TNRC6B: variants seen among roughly 807,000 people sequenced by gnomAD.
The protein encoded by TNRC6B is trinucleotide repeat containing adaptor 6B.
Under a neutral mutation model 203.6 loss-of-function variants are expected in TNRC6B, and 52 were observed. The observed-to-expected ratio is 0.26, with a 90% CI of 0.20 to 0.32. The LOEUF (loss-of-function observed/expected upper bound fraction) is 0.32, where lower values mean the gene tolerates loss of function less well. Ranked by LOEUF, TNRC6B falls within the 10% of genes least tolerant of loss-of-function variation. The pLI is 1.00. For missense variants in TNRC6B, 1,923 were observed against 2,286.2 expected, an observed-to-expected ratio of 0.84 and a Z score of 3.24; for synonymous variants, 838 against 845.7, an observed-to-expected ratio of 0.99 and a Z score of 0.16.
At chr22:40,048,178 A>G (rs1569242683) in intron 1 of TNRC6B, among the ~76,000 whole-genome samples, 1 of 152,120 alleles carries the variant, frequency 6.6e-6, no homozygotes, top group Non-Finnish European at 1.5e-5. Context: ...TCACGTCTTC[A>G]CTACACAGTC....
chr22:40,233,788 C>T (rs767382898), intron 1 of TNRC6B, among the ~76,000 whole-genome samples: 6 of 152,142 alleles, frequency 3.9e-5, no homozygotes, highest in South Asian at 2.1e-4. Flanking sequence ...CTGAGCCTCA[C>T]GTTCTTTTAC....
At chr22:40,223,588 T>A (rs2146439511) in intron 1 of TNRC6B, among the ~76,000 whole-genome samples, 1 of 152,368 alleles carries the variant, frequency 6.6e-6, no homozygotes, top group African/African-American at 2.4e-5. Flanking sequence ...CTTATCTTCC[T>A]TAGTACAAAA....
At chr22:40,086,981 C>T (rs997745361) in intron 1 of TNRC6B, among the ~76,000 whole-genome samples, 4 of 152,118 alleles carry the variant, frequency 2.6e-5, no homozygotes, top group Non-Finnish European at 5.9e-5. Flanking sequence ...CCAGGTCCCC[C>T]GTCCCTGTAG....
intron 4 of TNRC6B, among the ~76,000 whole-genome samples, chr22:40,171,231 G>T (rs187856330): frequency 7.0e-6 from 1 of 143,042 alleles, no homozygotes; most frequent in Non-Finnish European, 1.5e-5. Flanking sequence ...GCGCAATCTC[G>T]GCTCACTGCA....
intron 1 of TNRC6B, among the ~76,000 whole-genome samples, chr22:40,241,211 A>G (rs375302162): frequency 6.6e-6 from 1 of 152,190 alleles, no homozygotes; most frequent in Non-Finnish European, 1.5e-5. Context: ...GAGTCATTTG[A>G]GAATTAACTG....
chr22:40,156,198 T>C lies in TNRC6B; in HGVS notation c.113+16T>C, dbSNP rs958732107. 1.9e-6 allele frequency: 3 copies of C among 1,560,040 alleles called. No individual in the cohort carries two copies. In the African/African-American group the frequency reaches 4.1e-5, roughly 21 times the overall value. ...AAAGCAAACAGTGAGTCACAGTTTA[T>C]TTAAAAAGAGTCCTATTACAGATCC... is the stretch of plus-strand genomic sequence containing the variant. On this transcript the variant is annotated intron_variant, in intron 4 of 23. Coordinates refer to the TNRC6B transcript ENST00000301923.
intron 6 of TNRC6B, among the ~76,000 whole-genome samples, chr22:40,271,090 A>T (rs2070557145): frequency 6.6e-6 from 1 of 152,218 alleles, no homozygotes; most frequent in Admixed American, 6.5e-5. Flanking sequence ...GAAGAACGTC[A>T]CACTTATTCA....
At position 40,310,849 on chromosome 22, in the gene TNRC6B, G is replaced by T; in HGVS notation, c.4291G>T (p.Gly1431Trp). The part of the protein sequence containing the change: ...AIVAPGKTRG[G>W]SPYNQFDIIP... The stretch of plus-strand genomic sequence containing the variant: ...AGTGGCCCCTGGTAAAACCCGGGGA[G>T]GGTCACCGTACAACCAGTTTGATAT... The change falls in exon 17 of 23, where the codon GGG becomes TGG. Residue 1431 changes from glycine to tryptophan, a missense_variant. Physicochemically the swap from Gly to Trp is radical, Grantham distance 184. Around this residue, in one of 8 missense-constraint regions of TNRC6B, gnomAD observed 242 missense variants for 399.5 expected, o/e 0.61. Transcript: ENST00000454349. The T allele has an allele frequency of 6.2e-7, 1 of 1,612,822 alleles. No homozygotes were observed. Among genetic ancestry groups the T allele is most frequent in the East Asian group, 2.2e-5 (1 of 44,848 alleles).
intron 3 of TNRC6B, among the ~76,000 whole-genome samples, chr22:40,139,018 T>C (rs1447789302): frequency 6.6e-6 from 1 of 152,220 alleles, no homozygotes; most frequent in Non-Finnish European, 1.5e-5. Flanking sequence ...TTCACAGAGT[T>C]GTACCACCAT....
At chr22:40,260,557 A>C (rs557468096) in intron 3 of TNRC6B, among the ~76,000 whole-genome samples, 63 of 152,178 alleles carry the variant, frequency 4.1e-4, no homozygotes, top group Non-Finnish European at 6.3e-4. Context: ...GAGATGGATG[A>C]TGTGTTCCAG....
chr22:40,275,691 G>A (rs1195318532), intron 7 of TNRC6B, among the ~76,000 whole-genome samples: 1 of 152,112 alleles, frequency 6.6e-6, no homozygotes, highest in Non-Finnish European at 1.5e-5. Context: ...GGCTGCGGTG[G>A]CTCATGCCTG....
At chr22:40,158,857 A>C (rs1180552855) in intron 4 of TNRC6B, among the ~76,000 whole-genome samples, 1 of 152,224 alleles carries the variant, frequency 6.6e-6, no homozygotes, top group Non-Finnish European at 1.5e-5. Flanking sequence ...AACAATAAAA[A>C]TATTTACAAA....
chr22:40,167,899 C>T (rs141066430), intron 4 of TNRC6B, among the ~76,000 whole-genome samples: 23 of 151,814 alleles, frequency 1.5e-4, no homozygotes, highest in African/African-American at 4.6e-4. Flanking sequence ...CCAAAAAATA[C>T]GGGATAATTG....
chr22:40,261,668 T>C (rs573425127), intron 3 of TNRC6B, among the ~76,000 whole-genome samples, 164 bp from the exon 4 acceptor site: 39 of 152,056 alleles, frequency 2.6e-4, no homozygotes, highest in Admixed American at 7.2e-4. Flanking sequence ...TCTAGCACTT[T>C]GGAAAGCCAA....
Position 40,262,113 on chromosome 22 carries a change from A to G in TNRC6B, c.397A>G (p.Asn133Asp), listed in dbSNP as rs560051696. 5 of 1,514,104 alleles carry G rather than the reference A, an allele frequency of 3.3e-6. No individual in the cohort carries two copies. In the Admixed American group the frequency reaches 7.2e-5, roughly 22 times the overall value. 93.8% of individuals were successfully genotyped at this position (1,514,104 alleles called of 1,614,324 possible). A position where few individuals can be genotyped will look rare whatever the true frequency, so the allele number is the denominator to read the frequency against. Residue 133 changes from asparagine (N) to aspartate (D), a missense_variant, in exon 4 of 23, where the codon AAC becomes GAC. Physicochemically the swap from Asn to Asp is conservative, Grantham distance 23. Coordinates refer to ENST00000454349, the MANE Select transcript of TNRC6B (RefSeq NM_001162501.2). ...GPPPCTAPGA[N>D]PNNAQVTGAL... The stretch of plus-strand genomic sequence containing the variant: ...TCCTCCCTGCACAGCACCTGGAGCA[A>G]ACCCAAACAACGCACAAGTGACAGG...
At chr22:40,137,167 G>C (rs1200964347) in intron 3 of TNRC6B, among the ~76,000 whole-genome samples, 1 of 152,212 alleles carries the variant, frequency 6.6e-6, no homozygotes, top group Non-Finnish European at 1.5e-5. Context: ...GTTTAATAAA[G>C]TCTTTTGCTT....
At chr22:40,209,997 A>G (rs5995838) in intron 1 of TNRC6B, among the ~76,000 whole-genome samples, 101,490 of 149,818 alleles carry the variant, frequency 0.68, 36,139 homozygotes, top group African/African-American at 0.9. Flanking sequence ...TAGCCTGGGT[A>G]ACAGAGTGAG....
intron 3 of TNRC6B, among the ~76,000 whole-genome samples, chr22:40,255,337 G>C (rs1437195936): frequency 1.3e-5 from 2 of 152,210 alleles, no homozygotes; most frequent in African/African-American, 4.8e-5. Context: ...GCATAGCTGG[G>C]GTTATGGGCC....
At chr22:40,101,300 T>C (rs941557719) in intron 1 of TNRC6B, among the ~76,000 whole-genome samples, 2 of 152,176 alleles carry the variant, frequency 1.3e-5, no homozygotes, top group African/African-American at 4.8e-5. Flanking sequence ...CCCCTGCTTC[T>C]TTAAATAACT....
Sources: gnomAD v4.1 joint callset for allele counts (sites outside exome capture counted in the v4.1 genomes callset) on GRCh38, gnomAD v4.1.1 for gene constraint, gnomAD v4.1.1 regional missense constraint, MANE v1.5 for transcripts, NCBI Gene and HGNC (gene_info 2026-07-23, HGNC 2026-07-21) for gene names.